Variants in GRM8 observed in about 807,000 individuals in gnomAD.
The protein encoded by GRM8 is glutamate metabotropic receptor 8.
GRM8 carries 47 observed loss-of-function variants against 87.2 expected under a neutral mutation model. The observed-to-expected ratio is 0.54, with a 90% CI of 0.43 to 0.69. The LOEUF (loss-of-function observed/expected upper bound fraction) is 0.69. Among genes scored for constraint, GRM8 ranks in the 30% least tolerant of loss-of-function variants. GRM8 has a pLI of 0.00. For missense variants in GRM8, 1,019 were observed against 1,139.2 expected, an observed-to-expected ratio of 0.89 and a Z score of 1.52; for synonymous variants, 396 against 404.5, an observed-to-expected ratio of 0.98 and a Z score of 0.25.
intron 10 of GRM8, among the ~76,000 whole-genome samples, chr7:126,441,131 G>A (rs1801426216): frequency 6.6e-6 from 1 of 152,008 alleles, no homozygotes. Context: ...GCTGTCCTAT[G>A]AGAATGAATA....
chr7:127,068,127 A>T (rs978638023), intron 3 of GRM8, among the ~76,000 whole-genome samples: 2 of 152,172 alleles, frequency 1.3e-5, no homozygotes, highest in Non-Finnish European at 2.9e-5. Context: ...TTAGTCAAGG[A>T]TAATTTCCTG....
At chr7:126,667,387 G>C (rs1805885122) in intron 7 of GRM8, among the ~76,000 whole-genome samples, 1 of 152,186 alleles carries the variant, frequency 6.6e-6, no homozygotes, top group African/African-American at 2.4e-5. Flanking sequence ...AAAATATTTT[G>C]AAGCTTACAG....
intron 3 of GRM8, among the ~76,000 whole-genome samples, chr7:127,083,958 C>A (rs917740379): frequency 1.3e-5 from 2 of 152,240 alleles, no homozygotes; most frequent in South Asian, 2.1e-4. Flanking sequence ...GAACACCTGA[C>A]AACATACTAC....
At chr7:126,763,468 T>C (rs62479780) in intron 7 of GRM8, among the ~76,000 whole-genome samples, 2,556 of 51,846 alleles carry the variant, frequency 0.049, 88 homozygotes, top group African/African-American at 0.12. Flanking sequence ...TATATATATA[T>C]ATATACACAC....
At chr7:127,018,154 G>A (rs528624594) in intron 3 of GRM8, among the ~76,000 whole-genome samples, 52 of 151,580 alleles carry the variant, frequency 3.4e-4, no homozygotes, top group Non-Finnish European at 6.6e-4. Context: ...TAATAAATAC[G>A]CAAAAAAGAA....
chr7:126,997,210 A>C (rs1452868304), intron 3 of GRM8, among the ~76,000 whole-genome samples: 1 of 151,962 alleles, frequency 6.6e-6, no homozygotes, highest in Non-Finnish European at 1.5e-5. Flanking sequence ...GGGTCAATGA[A>C]GAAATAAAGA....
chr7:126,500,057 T>C (rs28610277), intron 9 of GRM8, among the ~76,000 whole-genome samples: 7,747 of 152,000 alleles, frequency 0.051, 673 homozygotes, highest in African/African-American at 0.18. Context: ...CAAGTACTTA[T>C]GATTTCTTTA....
intron 7 of GRM8, among the ~76,000 whole-genome samples, chr7:126,635,119 C>T (rs1801718715): frequency 1.3e-5 from 2 of 152,072 alleles, no homozygotes; most frequent in Non-Finnish European, 2.9e-5. Context: ...AATTGTTAGT[C>T]TCCCTCCCTC....
chr7:126,488,184 C>CA (rs1807593389), intron 9 of GRM8, among the ~76,000 whole-genome samples: 1 of 151,212 alleles, frequency 6.6e-6, no homozygotes. Context: ...GAAAAAAAAA[C>CA]AAAAAACAGG....
chr7:126,959,684 T>C (rs921307024), intron 3 of GRM8, among the ~76,000 whole-genome samples: 5 of 152,220 alleles, frequency 3.3e-5, no homozygotes, highest in African/African-American at 4.8e-5. Context: ...ATTTATTTTT[T>C]CCTTTAAAGG....
intron 7 of GRM8, among the ~76,000 whole-genome samples, chr7:126,691,381 C>G (rs1327146963): frequency 6.6e-6 from 1 of 152,190 alleles, no homozygotes; most frequent in Non-Finnish European, 1.5e-5. Context: ...ACTTCTGATC[C>G]TGCAGGGGCA....
intron 7 of GRM8, among the ~76,000 whole-genome samples, chr7:126,743,055 C>A (rs746431087): frequency 2.6e-5 from 4 of 151,972 alleles, no homozygotes; most frequent in Non-Finnish European, 4.4e-5. Context: ...TGAATGGAGC[C>A]CAAAGCTCAC....
At chr7:127,133,744 C>T (rs548226623) in intron 2 of GRM8, among the ~76,000 whole-genome samples, 76 of 147,296 alleles carry the variant, frequency 5.2e-4, no homozygotes, top group Admixed American at 4.7e-3. Context: ...TAAATACAAA[C>T]AAGATAAACT....
At chr7:126,732,747 A>T (rs1813738722) in intron 7 of GRM8, among the ~76,000 whole-genome samples, 1 of 152,114 alleles carries the variant, frequency 6.6e-6, no homozygotes, top group South Asian at 2.1e-4. Context: ...AAATTTTTTC[A>T]AGTGTAGAAT....
intron 6 of GRM8, among the ~76,000 whole-genome samples, chr7:126,833,616 G>T (rs1043216786): frequency 6.6e-6 from 1 of 152,150 alleles, no homozygotes; most frequent in African/African-American, 2.4e-5. Context: ...AAGCCCGTGT[G>T]TCTCTTTCTC....
At chr7:126,716,859 G>T (rs1005367144) in intron 7 of GRM8, among the ~76,000 whole-genome samples, 2 of 152,214 alleles carry the variant, frequency 1.3e-5, no homozygotes, top group African/African-American at 4.8e-5. Context: ...ATGAACATGA[G>T]TGGAGGGGTT....
intron 2 of GRM8, among the ~76,000 whole-genome samples, chr7:127,227,197 G>A (rs1332787630): frequency 6.6e-6 from 1 of 152,216 alleles, no homozygotes; most frequent in Non-Finnish European, 1.5e-5. Context: ...CTCTGAAACT[G>A]GGACAAGGAT....
intron 6 of GRM8, among the ~76,000 whole-genome samples, chr7:126,820,778 T>C (rs1794224039): frequency 6.6e-6 from 1 of 152,174 alleles, no homozygotes; most frequent in Non-Finnish European, 1.5e-5. Context: ...TCCTATGAGC[T>C]GAAGGCCTCA....
chr7:126,576,672 T>G (rs1188707886), intron 8 of GRM8, among the ~76,000 whole-genome samples: 1 of 152,218 alleles, frequency 6.6e-6, no homozygotes, highest in African/African-American at 2.4e-5. Context: ...CAGCCCACAC[T>G]GACTGACTCT....
Sources: gnomAD v4.1 joint callset for allele counts (sites outside exome capture counted in the v4.1 genomes callset) on GRCh38, gnomAD v4.1.1 for gene constraint, MANE v1.5 for transcripts, NCBI Gene and HGNC (gene_info 2026-07-23, HGNC 2026-07-21) for gene names.